The following ELSPBP1 variants were observed in gnomAD, a reference collection of about 807,000 sequenced individuals.
The protein encoded by ELSPBP1 is epididymal sperm binding protein 1, also known as epididymal sperm-binding protein 1.
Under a neutral mutation model 33.3 loss-of-function variants are expected in ELSPBP1, and 38 were observed. The ratio of observed to expected loss-of-function variants is 1.14; its 90% CI spans 0.88 to 1.50. The LOEUF is 1.50. Among genes scored for constraint, ELSPBP1 ranks in the 40% most tolerant of loss-of-function variants. The probability of loss-of-function intolerance (pLI) is 0.00; values close to 1 mark genes in which losing one functional copy is unlikely to be tolerated. For missense variants in ELSPBP1, 267 were observed against 263.5 expected, an observed-to-expected ratio of 1.01 and a Z score of -0.09; for synonymous variants, 85 against 94.1, an observed-to-expected ratio of 0.90 and a Z score of 0.56.
intron 2 of ELSPBP1, among the ~76,000 whole-genome samples, chr19:48,013,200 T>C (rs1227398176): frequency 6.6e-6 from 1 of 152,236 alleles, no homozygotes; most frequent in Admixed American, 6.5e-5. Context: ...AAGTATTTTG[T>C]GTAATGTCAT....
At chr19:47,995,764 T>A (rs1214443653) in intron 1 of ELSPBP1, among the ~76,000 whole-genome samples, 1 of 152,154 alleles carries the variant, frequency 6.6e-6, no homozygotes, top group Non-Finnish European at 1.5e-5. Flanking sequence ...AGGTTTTATC[T>A]CCACTAAACA....
chr19:47,996,624 T>C (rs2122283913), intron 1 of ELSPBP1, among the ~76,000 whole-genome samples: 1 of 151,632 alleles, frequency 6.6e-6, no homozygotes, highest in African/African-American at 2.4e-5. Context: ...GATGTAAGAA[T>C]GGGTGGAAGG....
chr19:48,009,136 C>CAAAAA (rs59636614), intron 2 of ELSPBP1, among the ~76,000 whole-genome samples: 1 of 136,390 alleles, frequency 7.3e-6, no homozygotes. Context: ...AACTCCCTCT[C>CAAAAA]AAAAAAAAAA....
At chr19:48,018,528 T>C (rs1426913200) in intron 4 of ELSPBP1, among the ~76,000 whole-genome samples, 1 of 152,212 alleles carries the variant, frequency 6.6e-6, no homozygotes, top group East Asian at 1.9e-4. Flanking sequence ...GAACTTTTAA[T>C]AAGCATTTTC....
chr19:48,006,636 A>AG (rs1467866924), intron 1 of ELSPBP1, among the ~76,000 whole-genome samples: 16,365 of 123,154 alleles, frequency 0.13, 1,365 homozygotes, highest in Admixed American at 0.15. Flanking sequence ...AAAAAAAAAA[A>AG]AAAAAAAAAA....
intron 1 of ELSPBP1, among the ~76,000 whole-genome samples, chr19:48,002,610 G>A (rs1163139635): frequency 6.6e-6 from 1 of 152,202 alleles, no homozygotes; most frequent in African/African-American, 2.4e-5. Context: ...GGCCAACACG[G>A]TGAAACCGTG....
rs966155888 is a variant in ELSPBP1 at position 48,011,201 on chromosome 19, C to T, written c.70+2464C>T. Among the ~76,000 whole-genome samples, 1 of 115,104 alleles carries T rather than the reference C, an allele frequency of 8.7e-6. No homozygotes were observed. The highest frequency in any genetic ancestry group is 1.8e-5 in the Non-Finnish European group (1 of 54,556). 75.5% of individuals were successfully genotyped at this position (115,104 alleles called of 152,430 possible). The stretch of plus-strand genomic sequence containing the variant: ...AAAATAATGATTACAATAATGATGA[C>T]AATGATGATGAGAATGACAATAATG... On this transcript the variant is annotated intron_variant, in intron 2 of 6. Transcript: ENST00000339841. This position sits in a 1 kb window ranked among gnomAD's most constrained non-coding sequence, Gnocchi z 4.5.
chr19:47,999,344 A>G (rs143980918), intron 1 of ELSPBP1, among the ~76,000 whole-genome samples: 36 of 143,180 alleles, frequency 2.5e-4, no homozygotes, highest in African/African-American at 8.6e-4. Context: ...ACCATTATCT[A>G]TTTCCAGGAA....
At chr19:48,003,409 A>C (rs1966985816) in intron 1 of ELSPBP1, among the ~76,000 whole-genome samples, 1 of 152,190 alleles carries the variant, frequency 6.6e-6, no homozygotes, top group African/African-American at 2.4e-5. Flanking sequence ...TTCTGCAGGA[A>C]ACAACTAAAA....
intron 6 of ELSPBP1, 138 bp downstream of exon 6, chr19:48,022,472 C>T: frequency 1.4e-6 from 1 of 711,468 alleles, no homozygotes. Context: ...AAGGCGAGAT[C>T]TGTTGCTTTT....
At chr19:47,998,553 G>A (rs765677085) in intron 1 of ELSPBP1, among the ~76,000 whole-genome samples, 3 of 152,222 alleles carry the variant, frequency 2.0e-5, no homozygotes, top group Non-Finnish European at 4.4e-5. Flanking sequence ...TTGGGAGGCC[G>A]AGGCGGGCGG....
At chr19:48,001,994 G>A (rs1230887219) in intron 1 of ELSPBP1, among the ~76,000 whole-genome samples, 1 of 152,082 alleles carries the variant, frequency 6.6e-6, no homozygotes, top group Non-Finnish European at 1.5e-5. Context: ...ACCATGACTG[G>A]CCCGCAAAAT....
intron 1 of ELSPBP1, among the ~76,000 whole-genome samples, chr19:48,007,989 C>T (rs1343220453): frequency 6.6e-6 from 1 of 152,120 alleles, no homozygotes; most frequent in Non-Finnish European, 1.5e-5. Flanking sequence ...AAGGACAGTA[C>T]ATGACAGTAG....
chr19:47,995,967 C>A (rs1035429788), intron 1 of ELSPBP1, among the ~76,000 whole-genome samples: 1 of 152,150 alleles, frequency 6.6e-6, no homozygotes, highest in Admixed American at 6.5e-5. Flanking sequence ...CTCTTGGGCA[C>A]CCTATCAGGG....
At chr19:48,019,611 G>A (rs1967176874) in intron 4 of ELSPBP1, 108 bp from the exon 5 acceptor site, 1 of 1,070,362 alleles carries the variant, frequency 9.3e-7, no homozygotes, top group East Asian at 2.4e-5. Flanking sequence ...AGAATCCAAT[G>A]TGACGTTGCC....
intron 1 of ELSPBP1, 147 bp from the exon 2 acceptor site, chr19:48,008,504 G>A (rs1297308362): frequency 3.3e-6 from 2 of 605,522 alleles, no homozygotes; most frequent in African/African-American, 3.7e-5. Context: ...AAAATGCTGG[G>A]ATTACAGGTG....
At position 48,023,532 on chromosome 19, in the gene ELSPBP1, G is replaced by GAAGGAAGGAAGAAAGGAAGGAAGT. The variant is rs1555736363; in HGVS notation, c.*7+1204_*7+1205insGGAAGAAAGGAAGGAAGTAAGGAA. 2.8e-5 allele frequency among the ~76,000 whole-genome samples: 3 copies of GAAGGAAGGAAGAAAGGAAGGAAGT among 108,114 alleles called. No individual in the cohort carries two copies. In the East Asian group the frequency reaches 8.3e-4, roughly 30 times the overall value. The allele number at this position is 108,114 out of a possible 152,430, so 70.9% of individuals were successfully genotyped here. A position where few individuals can be genotyped will look rare whatever the true frequency, so the allele number is the denominator to read the frequency against. The stretch of plus-strand genomic sequence containing the variant: ...GGAAGGAAATAAGGAAGGAAGGGAG[G>GAAGGAAGGAAGAAAGGAAGGAAGT]AAGGAAAGAAGGAAGAAAAGGGAAG... On this transcript the variant is annotated intron_variant, in intron 6 of 6. Transcript: ENST00000339841.
In ELSPBP1 at chr19:48,014,207, A is replaced by G. The variant is rs756597821; in HGVS notation, c.107A>G (p.Lys36Arg). 2.5e-6 allele frequency: 4 copies of G among 1,613,928 alleles called. No individual in the cohort carries two copies. Among genetic ancestry groups the G allele is most frequent in the African/African-American group, 1.3e-5 (1 of 74,998 alleles). Residue 36 changes from lysine (K) to arginine (R), a missense_variant, in exon 3 of 7, where the codon AAG becomes AGG. Coordinates refer to ENST00000339841, the MANE Select transcript of ELSPBP1 (RefSeq NM_022142.5). Reference protein sequence around the residue: ...HEECVFPFTYKGSVYFTCTHI... With the variant: ...HEECVFPFTYRGSVYFTCTHI... The stretch of plus-strand genomic sequence containing the variant: ...GAATGTGTCTTTCCTTTCACCTACA[A>G]GGGATCTGTTTACTTCACTTGCACC...
chr19:48,020,006 GCAGA>G (rs1967183129), intron 5 of ELSPBP1, 129 bp downstream of exon 5: 4 of 956,610 alleles, frequency 4.2e-6, no homozygotes, highest in African/African-American at 1.6e-5. Context: ...GATGAATCCG[GCAGA>G]CAGAGTTCTG....
Sources: allele counts gnomAD v4.1 joint callset (sites outside exome capture counted in the v4.1 genomes callset), GRCh38; gene constraint gnomAD v4.1.1; non-coding constraint Gnocchi (gnomAD v3.1); transcripts MANE v1.5; gene names NCBI Gene and HGNC (gene_info 2026-07-23, HGNC 2026-07-21).